Variants in MVB12B observed in about 807,000 individuals in gnomAD.
MVB12B encodes the protein multivesicular body subunit 12B, also known as ESCRT-I complex subunit MVB12B.
Under a neutral mutation model 41.6 loss-of-function variants are expected in MVB12B, and 16 were observed. The observed-to-expected ratio is 0.38, with a 90% CI of 0.26 to 0.58. MVB12B has a LOEUF of 0.58. MVB12B is among the 20% of genes least tolerant of loss of function. The pLI, the probability that MVB12B is intolerant of heterozygous loss-of-function variation, is 0.62. For synonymous variants in MVB12B, 133 were observed against 139.7 expected (o/e 0.95, Z 0.34); for missense variants, 274 against 380.2 (o/e 0.72, Z 2.32).
At chr9:126,397,040 G>A (rs750408159) in intron 6 of MVB12B, 8 of 985,564 alleles carry the variant, frequency 8.1e-6, no homozygotes, top group Non-Finnish European at 9.6e-6. Flanking sequence ...AGTCAGCTAA[G>A]TCCATCACCT....
intron 6 of MVB12B, among the ~76,000 whole-genome samples, chr9:126,411,659 T>C (rs1440380218): frequency 6.6e-6 from 1 of 152,208 alleles, no homozygotes; most frequent in Non-Finnish European, 1.5e-5. Context: ...AAAAAGAGAC[T>C]CATCAGACCG....
chr9:126,351,751 G>A (rs1829754917), intron 2 of MVB12B, among the ~76,000 whole-genome samples: 1 of 152,142 alleles, frequency 6.6e-6, no homozygotes, highest in Admixed American at 6.5e-5. Context: ...GCCTCCCAAA[G>A]TGCTGGGATT....
chr9:126,493,726 T>A (rs1700873559), intron 9 of MVB12B, among the ~76,000 whole-genome samples: 1 of 152,248 alleles, frequency 6.6e-6, no homozygotes, highest in African/African-American at 2.4e-5. Context: ...TCCTAGGTGC[T>A]TTCTGTCTTT....
At chr9:126,420,566 T>G (rs1831976235) in intron 6 of MVB12B, among the ~76,000 whole-genome samples, 2 of 13,402 alleles carry the variant, frequency 1.5e-4, no homozygotes, top group Non-Finnish European at 4.0e-4. Context: ...GGAGTCTTTT[T>G]TTTTTTTTTT....
chr9:126,439,298 A>G (rs2109915), intron 7 of MVB12B, among the ~76,000 whole-genome samples: 133,004 of 150,294 alleles, frequency 0.88, 58,954 homozygotes, highest in East Asian at 1. Flanking sequence ...CAGGGAGCTC[A>G]CAGGGTCTGC....
intron 7 of MVB12B, among the ~76,000 whole-genome samples, chr9:126,475,386 ATGGAT>A (rs1833401141): frequency 2.0e-5 from 3 of 152,334 alleles, no homozygotes; most frequent in African/African-American, 7.2e-5. Flanking sequence ...TCAACCAGTT[ATGGAT>A]TCTGCTAACC....
rs1360645931 is a variant in MVB12B, at chr9:126,333,697, C to T, written c.81+6687C>T. On this transcript the variant is annotated intron_variant, in intron 1 of 9. Coordinates refer to ENST00000361171, the MANE Select transcript of MVB12B (RefSeq NM_033446.3). The surrounding 1 kb of genome is among the most constrained non-coding windows in gnomAD (Gnocchi z 4.7). ...GATTACAGGCGTGAGCCACCATGCC[C>T]GTGTGTGACCCTGGTTTTAAATGGT... Among the ~76,000 whole-genome samples the T allele has an allele frequency of 5.9e-5, 9 of 152,110 alleles. No individual in the cohort carries two copies. The highest frequency in any genetic ancestry group is 4.1e-4 in the South Asian group (2 of 4,828).
intron 9 of MVB12B, among the ~76,000 whole-genome samples, chr9:126,497,233 C>A (rs1050835504): frequency 6.6e-6 from 1 of 152,110 alleles, no homozygotes; most frequent in African/African-American, 2.4e-5. Flanking sequence ...GCCCTTATTG[C>A]ACCCCCTGGT....
At chr9:126,471,154 G>A (rs567012527) in intron 7 of MVB12B, among the ~76,000 whole-genome samples, 30 of 152,302 alleles carry the variant, frequency 2.0e-4, no homozygotes, top group Admixed American at 3.9e-4. Context: ...AGCTGCTTTC[G>A]ACATAAAACC....
At chr9:126,498,211 A>G (rs1434789929) in intron 9 of MVB12B, among the ~76,000 whole-genome samples, 1 of 152,208 alleles carries the variant, frequency 6.6e-6, no homozygotes, top group Non-Finnish European at 1.5e-5. Flanking sequence ...AGCCTGTATC[A>G]TAGCCGAGGC....
chr9:126,355,383 T>C (rs505442), intron 2 of MVB12B, among the ~76,000 whole-genome samples: 79,658 of 152,110 alleles, frequency 0.52, 21,113 homozygotes, highest in South Asian at 0.64. Context: ...GTAGTAGATA[T>C]AACAGCAGCT....
chr9:126,340,385 C>A lies in MVB12B; in HGVS notation c.82-123C>A. 1.9e-6 allele frequency: 2 copies of A among 1,062,808 alleles called. No homozygotes were observed. The highest frequency in any genetic ancestry group is 4.4e-5 in the Admixed American group (2 of 45,760). The allele number at this position is 1,062,808 out of a possible 1,614,324, so 65.8% of individuals were successfully genotyped here. On this transcript the variant is annotated intron_variant, in intron 1 of 9. Transcript: ENST00000361171. The surrounding 1 kb of genome is among the most constrained non-coding windows in gnomAD (Gnocchi z 4.0). ...TCACATAGGGTCAGGACTCATTCAA[C>A]CAGTACAGGTATGTGAAACTCAGGG...
At chr9:126,455,820 T>C (rs1832970907) in intron 7 of MVB12B, among the ~76,000 whole-genome samples, 1 of 152,106 alleles carries the variant, frequency 6.6e-6, no homozygotes, top group Non-Finnish European at 1.5e-5. Flanking sequence ...ATGCTCCCTG[T>C]TACAGTTTTG....
chr9:126,455,280 C>T (rs910498003), intron 7 of MVB12B, among the ~76,000 whole-genome samples: 8 of 151,882 alleles, frequency 5.3e-5, no homozygotes, highest in Admixed American at 2.0e-4. Context: ...CTCCGCCTCC[C>T]GGGTTCAAGT....
chr9:126,346,845 C>G (rs1211089516), intron 2 of MVB12B, among the ~76,000 whole-genome samples: 1 of 152,090 alleles, frequency 6.6e-6, no homozygotes, highest in Non-Finnish European at 1.5e-5. Context: ...TCAAAGTTGC[C>G]GAAGTGAAAG....
At chr9:126,358,398 G>A (rs1048457584) in intron 2 of MVB12B, among the ~76,000 whole-genome samples, 5 of 151,060 alleles carry the variant, frequency 3.3e-5, no homozygotes, top group Non-Finnish European at 5.9e-5. Context: ...GGGTCAATTC[G>A]CAGGTAGTTG....
chr9:126,502,321 C>A (rs1028135339), intron 9 of MVB12B, among the ~76,000 whole-genome samples: 9 of 148,600 alleles, frequency 6.1e-5, no homozygotes, highest in Admixed American at 6.0e-4. Flanking sequence ...ACATGCCCTG[C>A]CTTATGTTTG....
At chr9:126,490,202 G>C (rs1302338953) in intron 9 of MVB12B, among the ~76,000 whole-genome samples, 1 of 152,144 alleles carries the variant, frequency 6.6e-6, no homozygotes, top group Non-Finnish European at 1.5e-5. Context: ...ACCAGGGTGG[G>C]AGCTGCCTGG....
rs13298333 is a variant in MVB12B at position 126,470,274 on chromosome 9, C to T, written c.758-11095C>T. Among the ~76,000 whole-genome samples, 1,119 of 152,340 alleles carry T rather than the reference C, an allele frequency of 7.3e-3. 10 individuals are homozygous for T. The highest frequency in any genetic ancestry group is 0.012 in the South Asian group (56 of 4,830). ...GGAGTAACTCATTGGGTCCCCCAGACCATGGCTCTCCGTGGTGTCTGCTAT... is the reference window on the plus strand; with the variant it reads ...GGAGTAACTCATTGGGTCCCCCAGATCATGGCTCTCCGTGGTGTCTGCTAT... On this transcript the variant is annotated intron_variant, in intron 7 of 9. Coordinates refer to ENST00000361171, the MANE Select transcript of MVB12B (RefSeq NM_033446.3).
Sources: gnomAD v4.1 joint callset for allele counts (sites outside exome capture counted in the v4.1 genomes callset) on GRCh38, gnomAD v4.1.1 for gene constraint, Gnocchi (gnomAD v3.1) non-coding constraint, MANE v1.5 for transcripts, NCBI Gene and HGNC (gene_info 2026-07-23, HGNC 2026-07-21) for gene names.